The following GPR108 variants were observed in gnomAD, a reference collection of about 807,000 sequenced individuals.
GPR108 encodes the protein protein GPR108.
In GPR108, 60 loss-of-function variants were observed where a neutral mutation model predicts 74.3. That is an observed-to-expected ratio of 0.81 (90% CI 0.66 to 1.00). The LOEUF (loss-of-function observed/expected upper bound fraction) is 1.00. GPR108 is among the 50% of genes least tolerant of loss of function. GPR108 has a pLI of 0.00. For synonymous variants in GPR108, 311 were observed against 292.4 expected (o/e 1.06, Z -0.65); for missense variants, 667 against 703.3 (o/e 0.95, Z 0.58).
At chr19:6,735,556 C>G (rs1317053847) in intron 4 of GPR108, 66 bp downstream of exon 4, 32 of 1,345,508 alleles carry the variant, frequency 2.4e-5, no homozygotes, top group Non-Finnish European at 1.1e-6. Context: ...AGCCCAGGTG[C>G]GTGTGGGCAT....
At chr19:6,732,418 G>C in intron 11 of GPR108, 38 bp from the exon 12 acceptor site, 2 of 1,611,160 alleles carry the variant, frequency 1.2e-6, no homozygotes, top group South Asian at 2.2e-5. Context: ...TGAGGTGGGG[G>C]GCCAACCCTC....
At chr19:6,730,527 C>A in intron 17 of GPR108, 143 bp from the exon 18 acceptor site, 1 of 681,270 alleles carries the variant, frequency 1.5e-6, no homozygotes. Flanking sequence ...CTCACCCAGG[C>A]TGCACCCACC....
intron 2 of GPR108, 125 bp downstream of exon 2, chr19:6,736,467 G>A (rs1464609219): frequency 1.7e-5 from 17 of 1,005,406 alleles, no homozygotes; most frequent in Non-Finnish European, 2.1e-5. Context: ...AGGTACAGAT[G>A]ACGAAACAGG....
rs1340201825 is a variant in GPR108 at position 6,730,398 on chromosome 19, G to A, written c.1560-14C>T. 6.2e-7 allele frequency: 1 copy of A among 1,610,884 alleles called. No individual in the cohort carries two copies. The highest frequency in any genetic ancestry group is 8.5e-7 in the Non-Finnish European group (1 of 1,178,538). ...GAGTCCGTCATTCTGGGGGCAGACA[G>A]CGAGGAGGCGTCTAGCGTTGCAGGG... On this transcript the variant is annotated splice_polypyrimidine_tract_variant and intron_variant, in intron 17 of 17. Transcript: ENST00000264080.
At position 6,730,303 on chromosome 19, in the gene GPR108, T is replaced by A; in HGVS notation, c.*9A>T. ...GAGGACGACCCTTTGGTCTGAGATG[T>A]GGAGGTGATCATAACAGTTCCCGCC... On this transcript the variant is annotated 3_prime_UTR_variant, in exon 18 of 18. Transcript: ENST00000264080. 3 of 1,612,354 alleles carry A rather than the reference T, an allele frequency of 1.9e-6. No individual in the cohort carries two copies. The highest frequency in any genetic ancestry group is 2.5e-6 in the Non-Finnish European group (3 of 1,178,468).
At chr19:6,736,854 G>T (rs1968657294) in intron 1 of GPR108, 143 bp from the exon 2 acceptor site, 1 of 1,137,436 alleles carries the variant, frequency 8.8e-7, no homozygotes, top group Non-Finnish European at 1.2e-6. Context: ...AGAAAGTTGA[G>T]AGGGACTTCC....
At position 6,733,992 on chromosome 19, in the gene GPR108, G is replaced by T. The variant is rs340131; in HGVS notation, c.549+13C>A. Reference sequence around the variant, plus strand: ...GGGTGTGCATCTTCCCTCCTGCCCCGCCTCCCCGAAACCTGAATCACTGCG... The same window carrying T: ...GGGTGTGCATCTTCCCTCCTGCCCCTCCTCCCCGAAACCTGAATCACTGCG... On this transcript the variant is annotated intron_variant, in intron 6 of 17. Coordinates refer to ENST00000264080, the MANE Select transcript of GPR108 (RefSeq NM_001080452.2). 1.9e-6 allele frequency: 3 copies of T among 1,614,166 alleles called. No individual in the cohort carries two copies. The highest frequency in any genetic ancestry group is 1.7e-6 in the Non-Finnish European group (2 of 1,180,030).
In GPR108 at chr19:6,732,368, G is replaced by A. The variant is rs772666659; in HGVS notation, c.1020C>T (p.Ala340=). ...MYYIAHLLKG[A]LLFITIALIG... The stretch of plus-strand genomic sequence containing the variant: ...TCAGGGCGATGGTGATGAAGAGGAG[G>A]GCGCCCTTCAGCCTGAAGGAGCAGG... The change falls in exon 12 of 18, where the codon GCC becomes GCT. Residue 340 remains alanine (A), a synonymous_variant. Transcript: ENST00000264080. 25 of 1,613,422 alleles carry A rather than the reference G, an allele frequency of 1.5e-5. No homozygotes were observed. The highest frequency in any genetic ancestry group is 2.0e-5 in the Non-Finnish European group (24 of 1,180,022).
At position 6,737,488 on chromosome 19, in the gene GPR108, C is replaced by A; in HGVS notation, c.89G>T (p.Cys30Phe). The A allele has an allele frequency of 6.3e-7, 1 of 1,587,304 alleles. No individual in the cohort carries two copies. Among genetic ancestry groups the A allele is most frequent in the Non-Finnish European group, 8.5e-7 (1 of 1,174,464 alleles). ...CGCCAGCTGGTGGATGCGCCCGGAG[C>A]AGCCACCCAGCAGCAGCACCAGAAG... ...RLLLVLLLGGCSGRIHQLALT... is the reference protein window; with the variant it reads ...RLLLVLLLGGFSGRIHQLALT... The change falls in exon 1 of 18, where the codon TGC becomes TTC. Residue 30 changes from cysteine (C) to phenylalanine (F), a missense_variant. Transcript: ENST00000264080.
intron 12 of GPR108, 51 bp from the exon 13 acceptor site, chr19:6,732,206 C>T: frequency 6.2e-7 from 1 of 1,612,006 alleles, no homozygotes. Context: ...CTCCCCTTTG[C>T]CCCCACTGCC....
At position 6,732,063 on chromosome 19, in the gene GPR108, G is replaced by T. The variant is rs1033496130; in HGVS notation, c.1218C>A (p.Asp406Glu). The T allele has an allele frequency of 1.9e-6, 3 of 1,613,836 alleles. No individual in the cohort carries two copies. The highest frequency in any genetic ancestry group is 2.2e-5 in the South Asian group (2 of 91,084). ...ACAGGATGGCACCACAGCAGATGAG[G>T]TCCACCAGGAACAAAATCTCCTTCC... The part of the protein sequence containing the change: ...VLWKEILFLV[D>E]LICCGAILFP... Residue 406 changes from aspartate (D) to glutamate (E), a missense_variant, in exon 13 of 18, where the codon GAC becomes GAA. By Grantham distance (45) the Asp-to-Glu change is conservative. Transcript: ENST00000264080.
intron 1 of GPR108, 95 bp from the exon 2 acceptor site, chr19:6,736,806 G>A: frequency 6.4e-7 from 1 of 1,553,898 alleles, no homozygotes; most frequent in Non-Finnish European, 8.8e-7. Context: ...GGGCCTCCTG[G>A]TACCCCTCTA....
rs762415314 is a variant in GPR108, at chr19:6,735,642, G to A, written c.354C>T (p.Leu118=). ...CTCACTGCAGATCCTTGGTGTTGAT[G>A]AGGAACAGGACCAGGAAACTGCTAC... ...KNSSSFLVLF[L]INTKDLQVQV... The change falls in exon 4 of 18, where the codon CTC becomes CTT. Residue 118 remains leucine (L), a synonymous_variant. Coordinates refer to ENST00000264080, the MANE Select transcript of GPR108 (RefSeq NM_001080452.2). The A allele has an allele frequency of 5.6e-6, 9 of 1,613,960 alleles. No individual in the cohort carries two copies. Among genetic ancestry groups the A allele is most frequent in the Non-Finnish European group, 7.6e-6 (9 of 1,179,996 alleles).
intron 10 of GPR108, 32 bp from the exon 11 acceptor site, chr19:6,732,581 C>CTCT (rs1232629825): frequency 9.7e-6 from 15 of 1,554,258 alleles, no homozygotes; most frequent in Non-Finnish European, 1.3e-5. Context: ...GACAGTGAGG[C>CTCT]GCACAGAGGG....
chr19:6,733,446 G>T lies in GPR108; in HGVS notation c.723+124C>A. On this transcript the variant is annotated intron_variant, in intron 8 of 17. Transcript: ENST00000264080. ...CCTCAGTTGGCCCCGTCTCTCAAAT[G>T]GGTATAACAGCTCCTACTTCGCACC... is the stretch of plus-strand genomic sequence containing the variant. The T allele has an allele frequency of 4.7e-6, 6 of 1,283,252 alleles. 1 individual carries two copies. In the South Asian group the frequency reaches 7.6e-5, roughly 16 times the overall value. The allele number at this position is 1,283,252 out of a possible 1,614,324, so 79.5% of individuals were successfully genotyped here. A position where few individuals can be genotyped will look rare whatever the true frequency, so the allele number is the denominator to read the frequency against.
rs374349823 is a variant in GPR108 at position 6,733,056 on chromosome 19, G to C, written c.864C>G (p.Ser288Arg). 17 of 1,613,390 alleles carry C rather than the reference G, an allele frequency of 1.1e-5. No homozygotes were observed. Among genetic ancestry groups the C allele is most frequent in the Non-Finnish European group, 1.4e-5 (17 of 1,179,752 alleles). Reference protein sequence around the residue: ...WVSILCRNTYSVFKIHWLMAA... With the variant: ...WVSILCRNTYRVFKIHWLMAA... ...CCATGAGCCAGTGGATCTTGAAGACGCTGTACCTGGTGGGAGGGTCAGGGA... is the reference window on the plus strand; with the variant it reads ...CCATGAGCCAGTGGATCTTGAAGACCCTGTACCTGGTGGGAGGGTCAGGGA... The change falls in exon 10 of 18, where the codon AGC becomes AGG. Residue 288 changes from serine to arginine, a missense_variant. Transcript: ENST00000264080.
Position 6,732,527 on chromosome 19 carries a change from C to G in GPR108, c.956G>C (p.Ser319Thr). Residue 319 changes from serine to threonine, a missense_variant, in exon 11 of 18, where the codon AGC becomes ACC. Physicochemically the swap from Ser to Thr is moderately conservative, Grantham distance 58 (BLOSUM62 1). Coordinates refer to ENST00000264080, the MANE Select transcript of GPR108 (RefSeq NM_001080452.2). ...FHSINYYFIN[S>T]QGHPIEGLAV... is the part of the protein sequence containing the mutation. ...AAGGCCTTCGATGGGGTGGCCCTGG[C>G]TGTTGATGAAGTAGTAGTTGATCTG... The G allele has an allele frequency of 6.2e-7, 1 of 1,613,406 alleles. No individual in the cohort carries two copies. Among genetic ancestry groups the G allele is most frequent in the African/African-American group, 1.3e-5 (1 of 74,838 alleles).
Position 6,732,110 on chromosome 19 carries a change from C to T in GPR108, c.1171G>A (p.Gly391Ser), listed in dbSNP as rs1284522406. 6.2e-7 allele frequency: 1 copy of T among 1,613,914 alleles called. No individual in the cohort carries two copies. Among genetic ancestry groups the T allele is most frequent in the African/African-American group, 1.3e-5 (1 of 75,046 alleles). ...TTCCACAGCACGTAGTCGCTGGCGCCTTCCTCGCGGGACTCGATGATGATG... is the reference window on the plus strand; with the variant it reads ...TTCCACAGCACGTAGTCGCTGGCGCTTTCCTCGCGGGACTCGATGATGATG... ...AYIIIESREE[G>S]ASDYVLWKEI... The change falls in exon 13 of 18, where the codon GGC becomes AGC. Residue 391 changes from glycine (G) to serine (S), a missense_variant. Coordinates refer to ENST00000264080, the MANE Select transcript of GPR108 (RefSeq NM_001080452.2).
Position 6,732,114 on chromosome 19 carries a change from C to T in GPR108, c.1167G>A (p.Glu389=), listed in dbSNP as rs73922480. 3.9e-3 allele frequency: 6,232 copies of T among 1,613,890 alleles called. 109 individuals are homozygous for T. Among genetic ancestry groups the T allele is most frequent in the African/African-American group, 0.038 (2,849 of 75,062 alleles). Residue 389 remains glutamate, a synonymous_variant, in exon 13 of 18, where the codon GAG becomes GAA. Transcript: ENST00000264080. ...NVAYIIIESR[E]EGASDYVLWK... is the part of the protein sequence containing the mutation. ...ACAGCACGTAGTCGCTGGCGCCTTC[C>T]TCGCGGGACTCGATGATGATGTAGG...
Sources: allele counts gnomAD v4.1 joint callset, GRCh38; gene constraint gnomAD v4.1.1; transcripts MANE v1.5; gene names NCBI Gene and HGNC (gene_info 2026-07-23, HGNC 2026-07-21).